SPTLC3: variants seen among roughly 807,000 people sequenced by gnomAD.
SPTLC3 encodes serine palmitoyltransferase 3.
In SPTLC3, 36 loss-of-function variants were observed where a neutral mutation model predicts 59.3. That is an observed-to-expected ratio of 0.61 (90% CI 0.47 to 0.80). SPTLC3 has a LOEUF of 0.80. SPTLC3 is among the 30% of genes least tolerant of loss of function. SPTLC3 has a pLI of 0.00. For missense variants in SPTLC3, 625 were observed against 685.1 expected (o/e 0.91, Z 0.98); for synonymous variants, 257 against 240.8 (o/e 1.07, Z -0.62).
chr20:13,090,840 G>A (rs140536015), intron 4 of SPTLC3, among the ~76,000 whole-genome samples: 1 of 152,298 alleles, frequency 6.6e-6, no homozygotes, highest in African/African-American at 2.4e-5. Flanking sequence ...GTTGTGTGGA[G>A]CAGTAGTTCA....
At chr20:13,059,490 C>A (rs1987865547) in intron 2 of SPTLC3, among the ~76,000 whole-genome samples, 1 of 152,210 alleles carries the variant, frequency 6.6e-6, no homozygotes, top group Non-Finnish European at 1.5e-5. Flanking sequence ...CAGCGCCATC[C>A]CTTGAAACCT....
intron 3 of SPTLC3, 137 bp downstream of exon 3, chr20:13,072,547 C>A: frequency 5.4e-6 from 5 of 924,130 alleles, no homozygotes; most frequent in Non-Finnish European, 8.0e-6. Flanking sequence ...TTTGCAAGCC[C>A]TCCTGATGCC....
intron 10 of SPTLC3, among the ~76,000 whole-genome samples, chr20:13,159,662 A>T (rs142024199): frequency 6.6e-5 from 10 of 152,294 alleles, no homozygotes; most frequent in African/African-American, 2.2e-4. Flanking sequence ...GACCCTGCAG[A>T]TGGATTTTAT....
intron 2 of SPTLC3, among the ~76,000 whole-genome samples, chr20:13,054,087 G>A (rs6033599): frequency 0.87 from 132,628 of 152,172 alleles, 57,860 homozygotes; most frequent in East Asian, 0.92. Flanking sequence ...GGCAAAGGGT[G>A]AATCAAGAGA....
At chr20:13,070,842 G>A (rs1030907434) in intron 2 of SPTLC3, among the ~76,000 whole-genome samples, 9 of 152,018 alleles carry the variant, frequency 5.9e-5, no homozygotes, top group Non-Finnish European at 8.8e-5. Flanking sequence ...GAGTGACAGC[G>A]TGTGCATTAT....
At chr20:13,158,465 T>C (rs943382034) in intron 10 of SPTLC3, among the ~76,000 whole-genome samples, 1 of 152,160 alleles carries the variant, frequency 6.6e-6, no homozygotes, top group Non-Finnish European at 1.5e-5. Flanking sequence ...ATGCAGACAG[T>C]GAAAGCGGTC....
chr20:13,111,070 A>G (rs1048940464), intron 7 of SPTLC3, among the ~76,000 whole-genome samples: 1 of 151,570 alleles, frequency 6.6e-6, no homozygotes, highest in African/African-American at 2.4e-5. Flanking sequence ...TCCTTTTAAG[A>G]AAAAAAAAGT....
intron 2 of SPTLC3, among the ~76,000 whole-genome samples, chr20:13,057,909 G>A (rs1987792789): frequency 6.6e-6 from 1 of 152,150 alleles, no homozygotes; most frequent in South Asian, 2.1e-4. Context: ...TTAATGTCGA[G>A]CATCATCAGA....
chr20:13,121,773 C>G (rs1392999929), intron 8 of SPTLC3, among the ~76,000 whole-genome samples: 1 of 152,142 alleles, frequency 6.6e-6, no homozygotes, highest in Non-Finnish European at 1.5e-5. Flanking sequence ...AGCAAATAAA[C>G]TTCCATCCAG....
rs1004365862 is a variant in SPTLC3 at position 13,167,804 on chromosome 20, G to T, written c.*2937G>T. 16 of 152,150 alleles carry T rather than the reference G, an allele frequency of 1.1e-4. No individual in the cohort carries two copies. The highest frequency in any genetic ancestry group is 3.9e-4 in the African/African-American group (16 of 41,424). 9.4% of individuals were successfully genotyped at this position (152,150 alleles called of 1,614,324 possible). A position where few individuals can be genotyped will look rare whatever the true frequency, so the allele number is the denominator to read the frequency against. ...AGACCTTTACTGAAACATAATAGTT[G>T]TAGTGCCCAGGAATCTACATTTTTA... On this transcript the variant is annotated 3_prime_UTR_variant, in exon 12 of 12. Coordinates refer to ENST00000399002, the MANE Select transcript of SPTLC3 (RefSeq NM_018327.4).
intron 9 of SPTLC3, among the ~76,000 whole-genome samples, chr20:13,148,036 T>G (rs1349023602): frequency 6.6e-6 from 1 of 152,204 alleles, no homozygotes; most frequent in African/African-American, 2.4e-5. Context: ...GCATTCTCTT[T>G]TTTTGCATGC....
intron 2 of SPTLC3, among the ~76,000 whole-genome samples, chr20:13,061,656 T>C (rs1160883603): frequency 6.6e-6 from 1 of 152,200 alleles, no homozygotes; most frequent in Non-Finnish European, 1.5e-5. Context: ...GACTCAGCTC[T>C]TTCCTTTGTA....
chr20:13,058,563 C>G (rs1288641500), intron 2 of SPTLC3, among the ~76,000 whole-genome samples: 3 of 152,160 alleles, frequency 2.0e-5, no homozygotes, highest in Non-Finnish European at 4.4e-5. Flanking sequence ...TGTGATGCAG[C>G]CTTGGTAGTG....
chr20:13,167,518 G>A lies in SPTLC3; in HGVS notation c.*2651G>A, dbSNP rs1019689469. 6.6e-6 allele frequency: 1 copy of A among 152,114 alleles called. No individual in the cohort carries two copies. Among genetic ancestry groups the A allele is most frequent in the African/African-American group, 2.4e-5 (1 of 41,418 alleles). The allele number at this position is 152,114 out of a possible 1,614,324, so 9.4% of individuals were successfully genotyped here. On this transcript the variant is annotated 3_prime_UTR_variant, in exon 12 of 12. Transcript: ENST00000399002. ...CGGAGTAAGCAACTATGAAAATCTG[G>A]TTGGTTGAGAAATAAATGGAAGATG...
intron 1 of SPTLC3, among the ~76,000 whole-genome samples, chr20:13,041,077 A>G (rs1986961635): frequency 6.6e-6 from 1 of 152,084 alleles, no homozygotes. Flanking sequence ...CTTTGCCTTT[A>G]TTCAAATGGA....
At chr20:13,045,024 C>A (rs6109669) in intron 1 of SPTLC3, among the ~76,000 whole-genome samples, 1 of 116,564 alleles carries the variant, frequency 8.6e-6, no homozygotes, top group African/African-American at 2.8e-5. Flanking sequence ...CACACACACA[C>A]ACACACACAC....
chr20:13,046,027 C>T (rs1344756714), intron 1 of SPTLC3, among the ~76,000 whole-genome samples: 1 of 152,194 alleles, frequency 6.6e-6, no homozygotes, highest in Non-Finnish European at 1.5e-5. Flanking sequence ...TGTACACCCA[C>T]ATAACTTAGC....
At chr20:13,036,850 C>G (rs1986757320) in intron 1 of SPTLC3, among the ~76,000 whole-genome samples, 1 of 152,096 alleles carries the variant, frequency 6.6e-6, no homozygotes, top group African/African-American at 2.4e-5. Context: ...TTTTGTTACT[C>G]TGATGGGAAC....
At chr20:13,148,875 C>A (rs1480811868) in intron 9 of SPTLC3, among the ~76,000 whole-genome samples, 1 of 152,186 alleles carries the variant, frequency 6.6e-6, no homozygotes, top group Non-Finnish European at 1.5e-5. Context: ...CAGAAAATGG[C>A]AATTCCCCTT....
Sources: gnomAD v4.1 joint callset for allele counts (sites outside exome capture counted in the v4.1 genomes callset) on GRCh38, gnomAD v4.1.1 for gene constraint, MANE v1.5 for transcripts, NCBI Gene and HGNC (gene_info 2026-07-23, HGNC 2026-07-21) for gene names.